Variants in KCNAB2 observed in about 807,000 individuals in gnomAD.
KCNAB2 encodes voltage-gated potassium channel subunit beta-2.
In KCNAB2, 29 loss-of-function variants were observed where a neutral mutation model predicts 63.6. The ratio of observed to expected loss-of-function variants is 0.46; its 90% CI spans 0.34 to 0.62. The LOEUF (loss-of-function observed/expected upper bound fraction) is 0.62. Ranked by LOEUF, KCNAB2 falls within the 20% of genes least tolerant of loss-of-function variation. KCNAB2 has a pLI of 0.01. For synonymous variants in KCNAB2, 222 were observed against 224.2 expected, an observed-to-expected ratio of 0.99 and a Z score of 0.09; for missense variants, 359 against 563.9, an observed-to-expected ratio of 0.64 and a Z score of 3.68.
chr1:5,997,797 G>T (rs943585702), intron 1 of KCNAB2, among the ~76,000 whole-genome samples: 4 of 152,204 alleles, frequency 2.6e-5, no homozygotes, highest in Admixed American at 6.5e-5. Flanking sequence ...GAATGCATGG[G>T]CAAGGAGATT....
Position 6,005,033 on chromosome 1 carries a change from C to T in KCNAB2, c.-53+12245C>T, listed in dbSNP as rs78601923. On this transcript the variant is annotated intron_variant, in intron 1 of 16. Coordinates refer to the KCNAB2 transcript ENST00000341524. ...AAGGGGTGAGGGTGGAGTAGGGGGACGCGGGGGCTGAGCTGAGGGGTGAGG... is the reference window on the plus strand; with the variant it reads ...AAGGGGTGAGGGTGGAGTAGGGGGATGCGGGGGCTGAGCTGAGGGGTGAGG... Among the ~76,000 whole-genome samples the T allele has an allele frequency of 8.8e-4, 68 of 77,644 alleles. 3 individuals are homozygous for T. The highest frequency in any genetic ancestry group is 9.6e-3 in the Middle Eastern group (1 of 104). 50.9% of individuals were successfully genotyped at this position (77,644 alleles called of 152,430 possible).
intron 1 of KCNAB2, among the ~76,000 whole-genome samples, chr1:6,014,078 A>C (rs1158439836): frequency 6.6e-6 from 1 of 152,236 alleles, no homozygotes; most frequent in Non-Finnish European, 1.5e-5. Context: ...TGGGGCAAAA[A>C]TTACGCTGAA....
chr1:6,086,351 G>A lies in KCNAB2; in HGVS notation c.425+1103G>A, dbSNP rs896315675. 34 of 984,916 alleles carry A rather than the reference G, an allele frequency of 3.5e-5. No homozygotes were observed. The East Asian group carries it at 1.6e-3, about 46-fold the overall frequency. 61.0% of individuals were successfully genotyped at this position (984,916 alleles called of 1,614,324 possible). A position where few individuals can be genotyped will look rare whatever the true frequency, so the allele number is the denominator to read the frequency against. On this transcript the variant is annotated intron_variant, in intron 6 of 15. Transcript: ENST00000378083. The surrounding 1 kb of genome is among the most constrained non-coding windows in gnomAD (Gnocchi z 4.2). ...ATTCCTCCTCACCCTGTAATTAAAC[G>A]AAATTGCACGTATTAGCAAATCCCC... is the stretch of plus-strand genomic sequence containing the variant.
chr1:6,051,165 G>A (rs1401515374), intron 1 of KCNAB2, among the ~76,000 whole-genome samples: 3 of 152,212 alleles, frequency 2.0e-5, no homozygotes, highest in Admixed American at 6.5e-5. Context: ...AGCATTTGGG[G>A]GGCTCAGGCT....
chr1:6,032,668 A>G (rs143459079), upstream of KCNAB2, among the ~76,000 whole-genome samples: 361 of 152,202 alleles, frequency 2.4e-3, no homozygotes, highest in African/African-American at 8.3e-3. Flanking sequence ...AAAGAAAAGA[A>G]AGAGCTATGC....
chr1:6,025,358 A>G (rs188582739), intron 1 of KCNAB2, among the ~76,000 whole-genome samples: 1 of 152,020 alleles, frequency 6.6e-6, no homozygotes, highest in South Asian at 2.1e-4. Flanking sequence ...GGAATGTTCC[A>G]CCCGAGTCCT....
At chr1:6,016,304 C>T (rs978599444) in intron 1 of KCNAB2, among the ~76,000 whole-genome samples, 2 of 152,192 alleles carry the variant, frequency 1.3e-5, no homozygotes, top group Admixed American at 6.5e-5. Context: ...ACTCCACAGG[C>T]CAGGGCTCAG....
chr1:6,013,823 C>G (rs980730939), intron 1 of KCNAB2, among the ~76,000 whole-genome samples: 1 of 152,184 alleles, frequency 6.6e-6, no homozygotes, highest in Non-Finnish European at 1.5e-5. Context: ...CGGGCCCCCC[C>G]AGCAGTCGGT....
At chr1:6,005,764 G>A (rs1056310515) in intron 1 of KCNAB2, among the ~76,000 whole-genome samples, 3 of 151,970 alleles carry the variant, frequency 2.0e-5, no homozygotes, top group Admixed American at 6.5e-5. Flanking sequence ...TCCCATTGGG[G>A]CAGATGGGGG....
chr1:6,046,480 G>A (rs540990926), intron 1 of KCNAB2, among the ~76,000 whole-genome samples: 2 of 152,210 alleles, frequency 1.3e-5, no homozygotes, highest in South Asian at 2.1e-4. Flanking sequence ...CCCATCTGCC[G>A]GAGACACGGG....
chr1:6,094,251 C>A (rs1665429882), intron 10 of KCNAB2, 149 bp from the exon 11 acceptor site: 6 of 609,846 alleles, frequency 9.8e-6, no homozygotes, highest in Non-Finnish European at 2.9e-6. Flanking sequence ...CCACACCCAA[C>A]TTCAGAGCCA....
upstream of KCNAB2, among the ~76,000 whole-genome samples, chr1:6,043,264 T>C (rs1660652131): frequency 6.6e-6 from 1 of 152,026 alleles, no homozygotes; most frequent in Admixed American, 6.6e-5. Context: ...GGTGCAGACC[T>C]GCCAGCTCAA....
At position 6,087,565 on chromosome 1, in the gene KCNAB2, G is replaced by A. The variant is rs1224757149; in HGVS notation, c.470+54G>A. On this transcript the variant is annotated intron_variant, in intron 7 of 15. Coordinates refer to ENST00000378083, the MANE Select transcript of KCNAB2 (RefSeq NM_001199862.2). This position sits in a 1 kb window ranked among gnomAD's most constrained non-coding sequence, Gnocchi z 6.4. ...GCCCCGGCCCAGCAGCCACGGCCCC[G>A]TGCTCCCCAGAGACCCCTGACCTAG... 121 of 1,586,062 alleles carry A rather than the reference G, an allele frequency of 7.6e-5. No individual in the cohort carries two copies. The highest frequency in any genetic ancestry group is 1.7e-4 in the Middle Eastern group (1 of 5,988).
intron 1 of KCNAB2, among the ~76,000 whole-genome samples, chr1:6,000,377 G>A (rs1657184273): frequency 6.6e-6 from 1 of 152,180 alleles, no homozygotes; most frequent in Non-Finnish European, 1.5e-5. Flanking sequence ...AGGGACACAG[G>A]GTGCTTTGCT....
chr1:5,996,934 T>A (rs919055667), intron 1 of KCNAB2, among the ~76,000 whole-genome samples: 16 of 152,210 alleles, frequency 1.1e-4, no homozygotes, highest in African/African-American at 3.9e-4. Context: ...TGAGGTCTGG[T>A]CCGCAGGGGT....
In KCNAB2 at chr1:6,082,870, C is replaced by T. The variant is rs183862674; in HGVS notation, c.380+596C>T. ...CCTCTCTTCATCCTCCTTCTGCCCC[C>T]CTCCTGCCTGGGGCCAGCCAAGTTC... On this transcript the variant is annotated intron_variant, in intron 5 of 15. Coordinates refer to ENST00000378083, the MANE Select transcript of KCNAB2 (RefSeq NM_001199862.2). Among the ~76,000 whole-genome samples, 10 of 152,358 alleles carry T rather than the reference C, an allele frequency of 6.6e-5. No individual in the cohort carries two copies. In the East Asian group the frequency reaches 1.2e-3, roughly 18 times the overall value.
intron 1 of KCNAB2, among the ~76,000 whole-genome samples, chr1:6,009,033 C>T (rs1263703761): frequency 1.3e-5 from 2 of 152,242 alleles, no homozygotes; most frequent in Non-Finnish European, 2.9e-5. Flanking sequence ...GGGTGCACTG[C>T]ACCCCACAGT....
intron 1 of KCNAB2, among the ~76,000 whole-genome samples, chr1:6,008,117 C>T (rs1299808902): frequency 6.6e-6 from 1 of 152,184 alleles, no homozygotes; most frequent in East Asian, 1.9e-4. Flanking sequence ...TGGAGCTGGG[C>T]CATTAAGACC....
intron 1 of KCNAB2, among the ~76,000 whole-genome samples, chr1:6,022,879 C>CTTTTTTTTTTT (rs34874871): frequency 3.4e-5 from 3 of 86,978 alleles, no homozygotes; most frequent in Non-Finnish European, 6.5e-5. Flanking sequence ...TTTTGCTTAT[C>CTTTTTTTTTTT]TTTTTTTTTT....
Sources: allele counts gnomAD v4.1 joint callset (sites outside exome capture counted in the v4.1 genomes callset), GRCh38; gene constraint gnomAD v4.1.1; non-coding constraint Gnocchi (gnomAD v3.1); transcripts MANE v1.5; gene names NCBI Gene and HGNC (gene_info 2026-07-23, HGNC 2026-07-21).